Variants in SGMS1 observed in about 807,000 individuals in gnomAD.
SGMS1 encodes the protein sphingomyelin synthase 1.
In SGMS1, 13 loss-of-function variants were observed where a neutral mutation model predicts 46.2. The observed-to-expected ratio is 0.28, with a 90% CI of 0.18 to 0.45. The LOEUF is 0.45. Ranked by LOEUF, SGMS1 falls within the 20% of genes least tolerant of loss-of-function variation. The probability of loss-of-function intolerance (pLI) is 1.00; values close to 1 mark genes in which losing one functional copy is unlikely to be tolerated. For missense variants in SGMS1, 324 were observed against 519.9 expected (o/e 0.62, Z 3.66); for synonymous variants, 203 against 187.8 (o/e 1.08, Z -0.66).
intron 7 of SGMS1, among the ~76,000 whole-genome samples, chr10:50,332,682 G>T (rs906760300): frequency 1.6e-5 from 2 of 128,880 alleles, no homozygotes; most frequent in Non-Finnish European, 3.1e-5. Flanking sequence ...GAGTGCAGTC[G>T]CATGATCATG....
chr10:50,476,299 G>C (rs1316616902), intron 3 of SGMS1, among the ~76,000 whole-genome samples: 1 of 138,074 alleles, frequency 7.2e-6, no homozygotes, highest in Admixed American at 7.2e-5. Context: ...AGGGAAGGGA[G>C]GGGAGGGGAG....
At chr10:50,407,446 G>GTGCT (rs1242079438) in intron 6 of SGMS1, among the ~76,000 whole-genome samples, 1 of 152,130 alleles carries the variant, frequency 6.6e-6, no homozygotes, top group Non-Finnish European at 1.5e-5. Context: ...AAAGGGAGAA[G>GTGCT]CCACCAGGAG....
At chr10:50,616,352 C>T (rs1482051345) in intron 1 of SGMS1, among the ~76,000 whole-genome samples, 1 of 152,058 alleles carries the variant, frequency 6.6e-6, no homozygotes, top group Non-Finnish European at 1.5e-5. Context: ...CCCAGACTGG[C>T]CTCAAACTTC....
intron 5 of SGMS1, among the ~76,000 whole-genome samples, chr10:50,445,771 T>C (rs1468044454): frequency 6.6e-6 from 1 of 152,168 alleles, no homozygotes; most frequent in East Asian, 1.9e-4. Flanking sequence ...AACAGCGATG[T>C]TCAGGGAACA....
At chr10:50,453,794 GGGA>G (rs1400430662) in intron 5 of SGMS1, among the ~76,000 whole-genome samples, 5 of 37,986 alleles carry the variant, frequency 1.3e-4, no homozygotes, top group Admixed American at 3.2e-4. Context: ...AGGGAGGGAG[GGGA>G]GAGGAAGGAG....
chr10:50,531,459 A>G (rs1484617613), intron 2 of SGMS1, among the ~76,000 whole-genome samples: 1 of 152,072 alleles, frequency 6.6e-6, no homozygotes, highest in Non-Finnish European at 1.5e-5. Context: ...TAAACGTGAT[A>G]CACGTGTTTG....
intron 8 of SGMS1, among the ~76,000 whole-genome samples, chr10:50,316,010 T>C (rs1472826610): frequency 6.6e-6 from 1 of 152,210 alleles, no homozygotes; most frequent in Non-Finnish European, 1.5e-5. Flanking sequence ...AGTGAGCCTT[T>C]GGTTATGAAA....
chr10:50,347,914 GGTTT>G (rs1847940212), intron 6 of SGMS1, among the ~76,000 whole-genome samples: 2 of 152,120 alleles, frequency 1.3e-5, no homozygotes, highest in African/African-American at 4.8e-5. Context: ...CTGACACGCA[GGTTT>G]GTTACTTAGG....
chr10:50,437,380 A>G (rs1291747197), intron 5 of SGMS1, among the ~76,000 whole-genome samples: 2 of 152,254 alleles, frequency 1.3e-5, no homozygotes, highest in Admixed American at 6.5e-5. Context: ...TGGAAAATTC[A>G]GAAATGTTAA....
intron 6 of SGMS1, among the ~76,000 whole-genome samples, chr10:50,351,227 T>C (rs1848006758): frequency 6.6e-6 from 1 of 152,182 alleles, no homozygotes; most frequent in Admixed American, 6.5e-5. Context: ...ATTTCCCCCA[T>C]TTGGAAATGC....
intron 1 of SGMS1, among the ~76,000 whole-genome samples, chr10:50,597,346 G>A (rs1377943459): frequency 2.0e-5 from 3 of 152,156 alleles, no homozygotes; most frequent in East Asian, 3.9e-4. Context: ...AAAAATACAG[G>A]TCAACTAGGA....
intron 6 of SGMS1, among the ~76,000 whole-genome samples, chr10:50,360,904 CTG>C (rs1848236718): frequency 1.3e-5 from 2 of 152,176 alleles, no homozygotes; most frequent in African/African-American, 4.8e-5. Context: ...TAAGTTAAAA[CTG>C]TAAAAAGCCA....
intron 2 of SGMS1, among the ~76,000 whole-genome samples, chr10:50,540,478 G>A (rs1327663994): frequency 6.6e-6 from 1 of 152,172 alleles, no homozygotes; most frequent in East Asian, 1.9e-4. Context: ...CTATATGCCA[G>A]CCACTAGACA....
intron 3 of SGMS1, among the ~76,000 whole-genome samples, chr10:50,469,303 A>T (rs1837358365): frequency 1.3e-5 from 2 of 152,114 alleles, no homozygotes; most frequent in African/African-American, 4.8e-5. Flanking sequence ...CTCCTGTGAG[A>T]TGGAGTAAGT....
chr10:50,471,005 T>C (rs911386162), intron 3 of SGMS1, among the ~76,000 whole-genome samples: 1 of 152,148 alleles, frequency 6.6e-6, no homozygotes, highest in Admixed American at 6.6e-5. Context: ...AGGGATTTAA[T>C]GAGGCATAAA....
chr10:50,328,127 T>C, intron 7 of SGMS1: 5 of 366,016 alleles, frequency 1.4e-5, no homozygotes, highest in Non-Finnish European at 2.6e-5. Context: ...TATCTATCTA[T>C]ATACATACAC....
chr10:50,466,864 G>C (rs1035737585), intron 4 of SGMS1, 26 bp downstream of exon 4: 1 of 151,850 alleles, frequency 6.6e-6, no homozygotes, highest in Non-Finnish European at 1.5e-5. Context: ...AAGCATAAAA[G>C]GTAAATAATT....
At chr10:50,431,740 G>A (rs886807625) in intron 6 of SGMS1, among the ~76,000 whole-genome samples, 1 of 152,138 alleles carries the variant, frequency 6.6e-6, no homozygotes, top group African/African-American at 2.4e-5. Context: ...TTAGTTGGGA[G>A]GAATCCTGAC....
At chr10:50,571,570 T>TATATAATATATATATA (rs1838336645) in intron 2 of SGMS1, among the ~76,000 whole-genome samples, 36 of 152,156 alleles carry the variant, frequency 2.4e-4, no homozygotes, top group Admixed American at 2.3e-3. Flanking sequence ...TACAGAATAA[T>TATATAATATATATATA]ATAGTAATAT....
Sources: gnomAD v4.1 joint callset for allele counts (sites outside exome capture counted in the v4.1 genomes callset) on GRCh38, gnomAD v4.1.1 for gene constraint, MANE v1.5 for transcripts, NCBI Gene and HGNC (gene_info 2026-07-23, HGNC 2026-07-21) for gene names.